TMEM41B: variants seen among roughly 807,000 people sequenced by gnomAD.
TMEM41B encodes transmembrane protein 41B.
TMEM41B carries 18 observed loss-of-function variants against 31.9 expected under a neutral mutation model. The ratio of observed to expected loss-of-function variants is 0.56; its 90% CI spans 0.39 to 0.84. TMEM41B has a LOEUF of 0.84. Ranked by LOEUF, TMEM41B falls within the 40% of genes least tolerant of loss-of-function variation. The probability of loss-of-function intolerance (pLI) is 0.00; values close to 1 mark genes in which losing one functional copy is unlikely to be tolerated. For missense variants in TMEM41B, 322 were observed against 348.0 expected, an observed-to-expected ratio of 0.93 and a Z score of 0.59; for synonymous variants, 144 against 124.3, an observed-to-expected ratio of 1.16 and a Z score of -1.05.
At chr11:9,306,402 G>A (rs1202304324) in intron 1 of TMEM41B, among the ~76,000 whole-genome samples, 2 of 152,078 alleles carry the variant, frequency 1.3e-5, no homozygotes, top group Non-Finnish European at 2.9e-5. Context: ...GCCAGAATTC[G>A]CCGGGCATGG....
chr11:9,309,363 T>A (rs529825028), intron 1 of TMEM41B, among the ~76,000 whole-genome samples: 2 of 152,024 alleles, frequency 1.3e-5, no homozygotes, highest in Admixed American at 1.3e-4. Flanking sequence ...ATAAGCTCCC[T>A]TTCAGCAAGG....
Position 9,299,710 on chromosome 11 carries a change from A to C in TMEM41B, c.122-9T>G, listed in dbSNP as rs769390300. 2 of 1,545,968 alleles carry C rather than the reference A, an allele frequency of 1.3e-6. No homozygotes were observed. The highest frequency in any genetic ancestry group is 8.9e-7 in the Non-Finnish European group (1 of 1,126,534). ...TTCTACCCAGGATTTTTCTGGAAGA[A>C]AAAAGAAAGTATAATTAAGATAAAT... is the stretch of plus-strand genomic sequence containing the variant. On this transcript the variant is annotated splice_polypyrimidine_tract_variant and intron_variant, in intron 1 of 6. Coordinates refer to ENST00000528080, the MANE Select transcript of TMEM41B (RefSeq NM_015012.4).
chr11:9,293,233 G>A (rs1852999216), intron 3 of TMEM41B, among the ~76,000 whole-genome samples: 1 of 151,946 alleles, frequency 6.6e-6, no homozygotes, highest in African/African-American at 2.4e-5. Flanking sequence ...CTCCCAAGTA[G>A]CTAGGACTAC....
rs1853630929 is a variant in TMEM41B at position 9,314,192 on chromosome 11, G to A, written c.121+129C>T. On this transcript the variant is annotated intron_variant, in intron 1 of 6. Coordinates refer to ENST00000528080, the MANE Select transcript of TMEM41B (RefSeq NM_015012.4). The stretch of plus-strand genomic sequence containing the variant: ...CAAGCCCAACTCCCCCACGGTCTCT[G>A]CTCCCGCCGCGGCGCCAGCAGGCCC... 42 of 1,253,622 alleles carry A rather than the reference G, an allele frequency of 3.4e-5. 1 individual carries two copies. In the East Asian group the frequency reaches 1.2e-3, roughly 35 times the overall value. The allele number at this position is 1,253,622 out of a possible 1,614,324, so 77.7% of individuals were successfully genotyped here.
chr11:9,288,786 C>CA (rs1203794911), intron 3 of TMEM41B, among the ~76,000 whole-genome samples: 1 of 151,778 alleles, frequency 6.6e-6, no homozygotes, highest in African/African-American at 2.4e-5. Context: ...GGGGGAGGAA[C>CA]AAAAGAAAAA....
intron 2 of TMEM41B, among the ~76,000 whole-genome samples, chr11:9,296,909 T>A (rs1439898695): frequency 1.3e-5 from 2 of 152,088 alleles, no homozygotes; most frequent in African/African-American, 4.8e-5. Context: ...CATATTATGA[T>A]CATTTCTTTT....
At chr11:9,288,169 A>T in intron 4 of TMEM41B, 1 of 371,414 alleles carries the variant, frequency 2.7e-6, no homozygotes. Context: ...GACTTAACTC[A>T]TTGTGCTCAC....
chr11:9,293,935 C>T (rs1055634419), intron 3 of TMEM41B, among the ~76,000 whole-genome samples: 6 of 151,944 alleles, frequency 3.9e-5, no homozygotes, highest in African/African-American at 1.5e-4. Context: ...TCAGGCGTGG[C>T]GGCTCATGAC....
chr11:9,301,780 G>C (rs1273000120), intron 1 of TMEM41B, among the ~76,000 whole-genome samples: 1 of 152,142 alleles, frequency 6.6e-6, no homozygotes, highest in East Asian at 1.9e-4. Context: ...AGCGATAGTG[G>C]GACTTGGAGC....
intron 1 of TMEM41B, among the ~76,000 whole-genome samples, chr11:9,308,724 T>C (rs1229261462): frequency 6.6e-6 from 1 of 152,170 alleles, no homozygotes; most frequent in Non-Finnish European, 1.5e-5. Flanking sequence ...ATGTAGAATA[T>C]GAATCAGGCT....
intron 3 of TMEM41B, among the ~76,000 whole-genome samples, chr11:9,291,853 G>A (rs1350417625): frequency 6.6e-6 from 1 of 151,932 alleles, no homozygotes; most frequent in African/African-American, 2.4e-5. Flanking sequence ...AATCACAGAC[G>A]CCTGCCACCA....
chr11:9,290,035 CAAAA>C (rs1455029011), intron 3 of TMEM41B, among the ~76,000 whole-genome samples: 1 of 146,896 alleles, frequency 6.8e-6, no homozygotes, highest in Non-Finnish European at 1.5e-5. Context: ...CTGTCAAAAA[CAAAA>C]CACACACACA....
intron 1 of TMEM41B, among the ~76,000 whole-genome samples, 153 bp from the exon 2 acceptor site, chr11:9,299,854 T>C (rs1853203895): frequency 6.6e-6 from 1 of 152,186 alleles, no homozygotes; most frequent in Non-Finnish European, 1.5e-5. Context: ...GCACAGTGAC[T>C]CACGCCTGTA....
chr11:9,299,010 G>A (rs1304032049), intron 2 of TMEM41B, among the ~76,000 whole-genome samples: 1 of 152,020 alleles, frequency 6.6e-6, no homozygotes, highest in Non-Finnish European at 1.5e-5. Flanking sequence ...GCTGGGCACA[G>A]TGGCTCAAGC....
At position 9,300,172 on chromosome 11, in the gene TMEM41B, T is replaced by A. The variant is rs115608869; in HGVS notation, c.122-471A>T. 8.5e-3 allele frequency among the ~76,000 whole-genome samples: 1,298 copies of A among 152,220 alleles called. 17 individuals carry two copies. The highest frequency in any genetic ancestry group is 0.03 in the African/African-American group (1,233 of 41,532). ...TTTAAGCACTGTACAGTACTTGAAGTTTAATAACTGGATATATTACTTTGG... is the reference window on the plus strand; with the variant it reads ...TTTAAGCACTGTACAGTACTTGAAGATTAATAACTGGATATATTACTTTGG... On this transcript the variant is annotated intron_variant, in intron 1 of 6. Transcript: ENST00000528080.
intron 3 of TMEM41B, among the ~76,000 whole-genome samples, chr11:9,291,660 A>C (rs896697678): frequency 2.6e-5 from 4 of 151,604 alleles, no homozygotes; most frequent in African/African-American, 9.7e-5. Flanking sequence ...TTGGCCTCCC[A>C]AAGTGCTGGG....
rs370787230 is a variant in TMEM41B, at chr11:9,299,822, T to C, written c.122-121A>G. The C allele has an allele frequency of 2.0e-5, 16 of 788,792 alleles. No homozygotes were observed. In the African/African-American group the frequency reaches 2.5e-4, roughly 12 times the overall value. 48.9% of individuals were successfully genotyped at this position (788,792 alleles called of 1,614,324 possible). On this transcript the variant is annotated intron_variant, in intron 1 of 6. Coordinates refer to ENST00000528080, the MANE Select transcript of TMEM41B (RefSeq NM_015012.4). ...TGCTTTTGCCTAAAATGATGTGACA[T>C]TAAATTTAAGCACTGGGCCGGGCAC...
chr11:9,292,690 G>A (rs1852986100), intron 3 of TMEM41B, among the ~76,000 whole-genome samples: 1 of 151,958 alleles, frequency 6.6e-6, no homozygotes, highest in Non-Finnish European at 1.5e-5. Context: ...GAAGAGACGG[G>A]ATTTCTTCAT....
At position 9,302,633 on chromosome 11, in the gene TMEM41B, G is replaced by C. The variant is rs992510674; in HGVS notation, c.122-2932C>G. ...TCTATGTTGAACACATAGAGAAATA[G>C]AAACCAACTAGCTCCTTGCTATTCA... On this transcript the variant is annotated intron_variant, in intron 1 of 6. Coordinates refer to ENST00000528080, the MANE Select transcript of TMEM41B (RefSeq NM_015012.4). Among the ~76,000 whole-genome samples, 91 of 99,650 alleles carry C rather than the reference G, an allele frequency of 9.1e-4. 32 individuals are homozygous for C. The highest frequency in any genetic ancestry group is 3.5e-3 in the African/African-American group (89 of 25,700). 65.4% of individuals were successfully genotyped at this position (99,650 alleles called of 152,430 possible).
Sources: allele counts gnomAD v4.1 joint callset (sites outside exome capture counted in the v4.1 genomes callset), GRCh38; gene constraint gnomAD v4.1.1; transcripts MANE v1.5; gene names NCBI Gene and HGNC (gene_info 2026-07-23, HGNC 2026-07-21).